Variants in SGCZ observed in about 807,000 individuals in gnomAD.
SGCZ encodes zeta-sarcoglycan.
Under a neutral mutation model 41.3 loss-of-function variants are expected in SGCZ, and 40 were observed. The ratio of observed to expected loss-of-function variants is 0.97; its 90% CI spans 0.75 to 1.26. SGCZ has a LOEUF of 1.26. Ranked by LOEUF, SGCZ falls within the 50% of genes most tolerant of loss-of-function variation. The pLI is 0.00. For missense variants in SGCZ, 552 were observed against 369.8 expected (o/e 1.49, Z -4.04); for synonymous variants, 206 against 137.5 (o/e 1.50, Z -3.49).
chr8:14,386,886 T>C (rs146164724), intron 2 of SGCZ, among the ~76,000 whole-genome samples: 306 of 152,326 alleles, frequency 2.0e-3, no homozygotes, highest in African/African-American at 6.7e-3. Flanking sequence ...CTAGTTAGCA[T>C]ATTTTGATGA....
At position 14,121,215 on chromosome 8, in the gene SGCZ, AATTAC is replaced by A. The variant is rs1365881561; in HGVS notation, c.548-12985_548-12981del. Among the ~76,000 whole-genome samples, 4 of 152,040 alleles carry A rather than the reference AATTAC, an allele frequency of 2.6e-5. No homozygotes were observed. In the East Asian group the frequency reaches 7.7e-4, roughly 29 times the overall value. Reference sequence around the variant, plus strand: ...TTAACATATATTCAACATTCAATTAAATTACATTAAATATATTCAACTATATTATA... The same window carrying A: ...TTAACATATATTCAACATTCAATTAAATTAAATATATTCAACTATATTATA... On this transcript the variant is annotated intron_variant, in intron 5 of 7. Transcript: ENST00000382080.
intron 1 of SGCZ, among the ~76,000 whole-genome samples, chr8:14,673,610 C>G (rs754510221): frequency 6.6e-6 from 1 of 152,078 alleles, no homozygotes; most frequent in Non-Finnish European, 1.5e-5. Context: ...TACCCAGTCT[C>G]TGGCAATATT....
intron 2 of SGCZ, among the ~76,000 whole-genome samples, chr8:14,336,060 C>A (rs1802495121): frequency 1.3e-5 from 2 of 152,040 alleles, no homozygotes; most frequent in African/African-American, 4.8e-5. Flanking sequence ...GATCTGCTCC[C>A]TCCTCCCACC....
At chr8:14,892,552 A>G (rs1159398604) in intron 1 of SGCZ, among the ~76,000 whole-genome samples, 1 of 152,218 alleles carries the variant, frequency 6.6e-6, no homozygotes, top group Non-Finnish European at 1.5e-5. Flanking sequence ...GGGTAAAACC[A>G]AAGTTAAATG....
intron 2 of SGCZ, among the ~76,000 whole-genome samples, chr8:14,429,277 G>C (rs188247701): frequency 2.0e-5 from 3 of 152,308 alleles, no homozygotes; most frequent in East Asian, 1.9e-4. Context: ...TGTGAGGCTG[G>C]GGTTTGAGGA....
chr8:14,918,017 T>C (rs1799488459), intron 1 of SGCZ, among the ~76,000 whole-genome samples: 1 of 152,174 alleles, frequency 6.6e-6, no homozygotes, highest in South Asian at 2.1e-4. Context: ...ATATCTATTT[T>C]TAAAATGCCC....
At position 14,146,890 on chromosome 8, in the gene SGCZ, A is replaced by AAAAAATAATAAT. The variant is rs1182329393; in HGVS notation, c.547+17689_547+17690insATTATTATTTTT. On this transcript the variant is annotated intron_variant, in intron 5 of 7. Coordinates refer to ENST00000382080, the MANE Select transcript of SGCZ (RefSeq NM_139167.4). ...CCGTCTCAAAAAATAAAAATAAAAA[A>AAAAAATAATAAT]AATAATAATAATAATAACTACAGCA... is the stretch of plus-strand genomic sequence containing the variant. 1.6e-4 allele frequency among the ~76,000 whole-genome samples: 19 copies of AAAAAATAATAAT among 116,246 alleles called. 1 individual carries two copies. Among genetic ancestry groups the AAAAAATAATAAT allele is most frequent in the Admixed American group, 3.4e-4 (4 of 11,646 alleles). 76.3% of individuals were successfully genotyped at this position (116,246 alleles called of 152,430 possible). A position where few individuals can be genotyped will look rare whatever the true frequency, so the allele number is the denominator to read the frequency against.
chr8:15,008,465 C>A (rs1268354149), intron 1 of SGCZ, among the ~76,000 whole-genome samples: 1 of 148,480 alleles, frequency 6.7e-6, no homozygotes, highest in Non-Finnish European at 1.5e-5. Context: ...TCACCCAATA[C>A]CTTCAACTGT....
rs557775747 is a variant in SGCZ, at chr8:14,174,900, A to T, written c.425-10198T>A. On this transcript the variant is annotated intron_variant, in intron 4 of 7. Coordinates refer to ENST00000382080, the MANE Select transcript of SGCZ (RefSeq NM_139167.4). ...ACTTCTTTTCTTCCAATATCTCTTG[A>T]CATCATCTTCCCTTTTGATGGATCT... 3.9e-5 allele frequency among the ~76,000 whole-genome samples: 6 copies of T among 152,246 alleles called. No homozygotes were observed. In the East Asian group the frequency reaches 9.6e-4, roughly 24 times the overall value.
rs138612798 is a variant in SGCZ at position 14,579,714 on chromosome 8, A to G, written c.40-24788T>C. ...AGATTAATTAGGATTCTGGACAAAG[A>G]AAATTAGTTGAGGCTTAGGGAGTGG... On this transcript the variant is annotated intron_variant, in intron 1 of 7. Coordinates refer to ENST00000382080, the MANE Select transcript of SGCZ (RefSeq NM_139167.4). 2.4e-4 allele frequency among the ~76,000 whole-genome samples: 37 copies of G among 152,330 alleles called. 1 individual carries two copies. Among genetic ancestry groups the G allele is most frequent in the Non-Finnish European group, 4.0e-4 (27 of 68,030 alleles).
rs146080580 is a variant in SGCZ at position 14,883,467 on chromosome 8, T to TA, written c.40-328542dup. Among the ~76,000 whole-genome samples the TA allele has an allele frequency of 9.7e-3, 1,479 of 152,108 alleles. 22 individuals carry two copies. The highest frequency in any genetic ancestry group is 0.032 in the African/African-American group (1,333 of 41,516). On this transcript the variant is annotated intron_variant, in intron 1 of 7. Coordinates refer to ENST00000382080, the MANE Select transcript of SGCZ (RefSeq NM_139167.4). ...GTTTTTAAAAATGAGTTTCAGTGCT[T>TA]AAAAAAAGGAAGAAAAAAAACTAAG... is the stretch of plus-strand genomic sequence containing the variant.
chr8:14,323,012 G>A (rs942134840), intron 3 of SGCZ, among the ~76,000 whole-genome samples: 3 of 152,032 alleles, frequency 2.0e-5, no homozygotes, highest in African/African-American at 4.8e-5. Flanking sequence ...TCTGTCTACT[G>A]TGTTACTTGT....
rs113990876 is a variant in SGCZ, at chr8:14,761,648, G to A, written c.40-206722C>T. Among the ~76,000 whole-genome samples, 850 of 151,520 alleles carry A rather than the reference G, an allele frequency of 5.6e-3. 13 individuals are homozygous for A. The highest frequency in any genetic ancestry group is 0.02 in the African/African-American group (806 of 41,326). ...CCCGGATTCGAACAATTCAGCTTCA[G>A]GAGATTAGCTGGGATTACCGGTATG... On this transcript the variant is annotated intron_variant, in intron 1 of 7. Coordinates refer to ENST00000382080, the MANE Select transcript of SGCZ (RefSeq NM_139167.4).
intron 4 of SGCZ, among the ~76,000 whole-genome samples, chr8:14,222,548 T>C (rs1462646423): frequency 1.3e-5 from 2 of 152,082 alleles, no homozygotes; most frequent in African/African-American, 4.8e-5. Flanking sequence ...TCCTTCCTTC[T>C]GCAGCTTCTG....
intron 2 of SGCZ, among the ~76,000 whole-genome samples, chr8:14,336,000 G>C (rs886828839): frequency 6.6e-6 from 1 of 152,028 alleles, no homozygotes; most frequent in African/African-American, 2.4e-5. Context: ...TTGTTATACA[G>C]ATTATCTCCT....
intron 4 of SGCZ, among the ~76,000 whole-genome samples, chr8:14,222,256 C>T (rs1403947095): frequency 1.3e-5 from 2 of 151,766 alleles, no homozygotes; most frequent in South Asian, 2.1e-4. Context: ...CTGCAAACTC[C>T]GCCTCCCGGG....
intron 2 of SGCZ, among the ~76,000 whole-genome samples, chr8:14,412,760 G>A (rs34735562): frequency 0.32 from 48,035 of 151,614 alleles, 7,697 homozygotes; most frequent in Admixed American, 0.36. Flanking sequence ...CTAATAATGC[G>A]CACGTGACAA....
rs543708549 is a variant in SGCZ at position 14,986,129 on chromosome 8, A to G, written c.39+251456T>C. On this transcript the variant is annotated intron_variant, in intron 1 of 7. Transcript: ENST00000382080. ...TTTTAAGTTTGATATTATGCATTAC[A>G]GTAAATTACAGTAAATATGTGAACA... Among the ~76,000 whole-genome samples the G allele has an allele frequency of 1.0e-3, 154 of 152,272 alleles. 1 individual carries two copies. Among genetic ancestry groups the G allele is most frequent in the African/African-American group, 3.5e-3 (145 of 41,584 alleles).
At chr8:15,218,894 C>G (rs889829565) in intron 1 of SGCZ, among the ~76,000 whole-genome samples, 1 of 152,114 alleles carries the variant, frequency 6.6e-6, no homozygotes, top group South Asian at 2.1e-4. Context: ...ATCACTTGCC[C>G]AAGGTCACAC....
Sources: allele counts gnomAD v4.1 joint callset (sites outside exome capture counted in the v4.1 genomes callset), GRCh38; gene constraint gnomAD v4.1.1; transcripts MANE v1.5; gene names NCBI Gene and HGNC (gene_info 2026-07-23, HGNC 2026-07-21).